RAD51B: variants seen among roughly 807,000 people sequenced by gnomAD.
RAD51B encodes RAD51 paralog B.
In RAD51B, 38 loss-of-function variants were observed where a neutral mutation model predicts 42.2. The observed-to-expected ratio is 0.90, with a 90% CI of 0.70 to 1.18. The LOEUF is 1.18. RAD51B is among the 50% of genes most tolerant of loss of function. The pLI is 0.00. For synonymous variants in RAD51B, 154 were observed against 145.2 expected (o/e 1.06, Z -0.43); for missense variants, 373 against 400.7 (o/e 0.93, Z 0.59).
At chr14:68,260,119 C>T (rs926041457) in intron 7 of RAD51B, among the ~76,000 whole-genome samples, 3 of 151,844 alleles carry the variant, frequency 2.0e-5, no homozygotes, top group Non-Finnish European at 2.9e-5. Context: ...GCAGAGGAGG[C>T]CTCTATGAGG....
At chr14:68,374,244 G>A (rs1276021258) in intron 8 of RAD51B, among the ~76,000 whole-genome samples, 1 of 152,118 alleles carries the variant, frequency 6.6e-6, no homozygotes, top group Non-Finnish European at 1.5e-5. Flanking sequence ...TCTCACTCTG[G>A]CACATAATAG....
intron 7 of RAD51B, among the ~76,000 whole-genome samples, chr14:68,004,593 T>G: frequency 6.6e-6 from 1 of 152,156 alleles, no homozygotes; most frequent in East Asian, 1.9e-4. Flanking sequence ...TTAAAAATAA[T>G]TTATAAATTG....
At chr14:68,508,816 G>C (rs1335467590) in intron 10 of RAD51B, among the ~76,000 whole-genome samples, 3 of 152,228 alleles carry the variant, frequency 2.0e-5, no homozygotes, top group Non-Finnish European at 2.9e-5. Context: ...TTGGAAGGGT[G>C]CCCACTTGCA....
chr14:68,292,441 A>G (rs1406460206), intron 8 of RAD51B, among the ~76,000 whole-genome samples: 1 of 152,152 alleles, frequency 6.6e-6, no homozygotes, highest in African/African-American at 2.4e-5. Context: ...ACGCTGGTAA[A>G]TCTGCAAAAT....
At chr14:68,151,691 T>C (rs1356979373) in intron 7 of RAD51B, among the ~76,000 whole-genome samples, 1 of 152,086 alleles carries the variant, frequency 6.6e-6, no homozygotes, top group African/African-American at 2.4e-5. Flanking sequence ...TCTTTTGCAA[T>C]GTTTAATCTA....
At chr14:68,141,330 C>T (rs1394184312) in intron 7 of RAD51B, among the ~76,000 whole-genome samples, 2 of 152,032 alleles carry the variant, frequency 1.3e-5, no homozygotes, top group Non-Finnish European at 2.9e-5. Context: ...TATAATCCTC[C>T]CAAGTAAAAG....
At chr14:68,262,693 T>G (rs1214627866) in intron 7 of RAD51B, among the ~76,000 whole-genome samples, 2 of 152,076 alleles carry the variant, frequency 1.3e-5, no homozygotes, top group African/African-American at 4.8e-5. Context: ...TTTGTGAAAA[T>G]TGCAGAAGCA....
intron 10 of RAD51B, among the ~76,000 whole-genome samples, chr14:68,630,689 A>G (rs1323916574): frequency 6.6e-6 from 1 of 150,992 alleles, no homozygotes; most frequent in East Asian, 1.9e-4. Flanking sequence ...GTTCCAGACA[A>G]CCTTCGGCCG....
chr14:68,026,534 T>C (rs2140360395), intron 7 of RAD51B, among the ~76,000 whole-genome samples: 1 of 152,220 alleles, frequency 6.6e-6, no homozygotes, highest in South Asian at 2.1e-4. Flanking sequence ...TGCTCCAGTG[T>C]TGGGTGGGTA....
intron 10 of RAD51B, among the ~76,000 whole-genome samples, chr14:68,649,369 GC>G (rs1892652369): frequency 6.6e-6 from 1 of 152,178 alleles, no homozygotes; most frequent in African/African-American, 2.4e-5. Context: ...TCTCCTGGGG[GC>G]TTTATGTTCT....
At chr14:68,211,648 T>C (rs1396198783) in intron 7 of RAD51B, among the ~76,000 whole-genome samples, 1 of 152,132 alleles carries the variant, frequency 6.6e-6, no homozygotes, top group South Asian at 2.1e-4. Flanking sequence ...CCATCAGATA[T>C]CAGAGCATAG....
At chr14:68,488,346 T>G (rs1466166592) in intron 10 of RAD51B, among the ~76,000 whole-genome samples, 1 of 151,832 alleles carries the variant, frequency 6.6e-6, no homozygotes, top group Non-Finnish European at 1.5e-5. Flanking sequence ...CTACCGTATA[T>G]AAAGGGGCAC....
chr14:68,306,864 G>C (rs1487758066), intron 8 of RAD51B, among the ~76,000 whole-genome samples: 1 of 152,174 alleles, frequency 6.6e-6, no homozygotes, highest in East Asian at 1.9e-4. Context: ...TGCCATCAGG[G>C]AAGGAATCTA....
intron 7 of RAD51B, among the ~76,000 whole-genome samples, chr14:68,211,995 T>C (rs537786666): frequency 1.8e-4 from 28 of 152,342 alleles, no homozygotes; most frequent in Middle Eastern, 3.4e-3. Flanking sequence ...CAGATTGTTA[T>C]GGTCTGTATG....
At chr14:68,677,839 C>T (rs754536525) in intron 11 of RAD51B, among the ~76,000 whole-genome samples, 13 of 152,130 alleles carry the variant, frequency 8.5e-5, no homozygotes, top group Non-Finnish European at 1.8e-4. Flanking sequence ...TTGCAGGGCC[C>T]CATTGCAGGC....
intron 7 of RAD51B, among the ~76,000 whole-genome samples, chr14:68,274,211 C>A (rs982153211): frequency 2.6e-5 from 4 of 152,134 alleles, no homozygotes; most frequent in Non-Finnish European, 5.9e-5. Context: ...CCTTCCATTT[C>A]ACTCTTCCCC....
intron 7 of RAD51B, among the ~76,000 whole-genome samples, chr14:68,173,688 T>G (rs528728136): frequency 1.3e-5 from 2 of 152,340 alleles, no homozygotes; most frequent in Non-Finnish European, 2.9e-5. Context: ...TGTTGTCATA[T>G]TGAAGCAGCA....
chr14:67,995,880 G>A (rs1401112064), intron 7 of RAD51B, among the ~76,000 whole-genome samples: 1 of 152,022 alleles, frequency 6.6e-6, no homozygotes, highest in Non-Finnish European at 1.5e-5. Context: ...GCCTCCCAAT[G>A]TGCTGGGATT....
chr14:68,366,521 G>C (rs1214826838), intron 8 of RAD51B, among the ~76,000 whole-genome samples: 1 of 152,212 alleles, frequency 6.6e-6, no homozygotes, highest in African/African-American at 2.4e-5. Context: ...ACTATGCTTA[G>C]TCTGCCTCGT....
Sources: allele counts gnomAD v4.1 joint callset (sites outside exome capture counted in the v4.1 genomes callset), GRCh38; gene constraint gnomAD v4.1.1; transcripts MANE v1.5; gene names NCBI Gene and HGNC (gene_info 2026-07-23, HGNC 2026-07-21).